The following LPCAT1 variants were observed in gnomAD, a reference collection of about 807,000 sequenced individuals.
LPCAT1 encodes 1-acylglycerol-3-phosphate O-acyltransferase.
In LPCAT1, 23 loss-of-function variants were observed where a neutral mutation model predicts 60.9. The observed-to-expected ratio is 0.38, with a 90% CI of 0.27 to 0.53. The LOEUF is 0.53. Among genes scored for constraint, LPCAT1 ranks in the 20% least tolerant of loss-of-function variants. LPCAT1 has a pLI of 0.82. For missense variants in LPCAT1, 622 were observed against 723.6 expected (o/e 0.86, Z 1.61); for synonymous variants, 340 against 301.1 (o/e 1.13, Z -1.34).
rs956990517 is a variant in LPCAT1 at position 1,476,380 on chromosome 5, G to T, written c.899+1024C>A. ...TTCTACCCTCGGACACATGCTTTGGGAGGGAGAGGATGGGAACGTGAGGGA... is the reference window on the plus strand; with the variant it reads ...TTCTACCCTCGGACACATGCTTTGGTAGGGAGAGGATGGGAACGTGAGGGA... On this transcript the variant is annotated intron_variant, in intron 9 of 13. Coordinates refer to ENST00000283415, the MANE Select transcript of LPCAT1 (RefSeq NM_024830.5). This position sits in a 1 kb window ranked among gnomAD's most constrained non-coding sequence, Gnocchi z 8.6. 2.0e-5 allele frequency among the ~76,000 whole-genome samples: 3 copies of T among 152,196 alleles called. No homozygotes were observed. Among genetic ancestry groups the T allele is most frequent in the African/African-American group, 7.2e-5 (3 of 41,448 alleles).
Position 1,496,962 on chromosome 5 carries a change from A to C in LPCAT1, c.279-2048T>G, listed in dbSNP as rs1253885912. Among the ~76,000 whole-genome samples the C allele has an allele frequency of 2.0e-5, 3 of 152,168 alleles. No individual in the cohort carries two copies. The highest frequency in any genetic ancestry group is 6.5e-5 in the Admixed American group (1 of 15,286). On this transcript the variant is annotated intron_variant, in intron 2 of 13. Coordinates refer to ENST00000283415, the MANE Select transcript of LPCAT1 (RefSeq NM_024830.5). This position sits in a 1 kb window ranked among gnomAD's most constrained non-coding sequence, Gnocchi z 4.7. ...TGCATACACAGGAGCGGGGATCTCCATCAGCACCCCCAGGAAATCCACTCC... is the reference window on the plus strand; with the variant it reads ...TGCATACACAGGAGCGGGGATCTCCCTCAGCACCCCCAGGAAATCCACTCC...
At chr5:1,498,248 C>T (rs933681210) in intron 2 of LPCAT1, among the ~76,000 whole-genome samples, 3 of 152,234 alleles carry the variant, frequency 2.0e-5, no homozygotes, top group East Asian at 1.9e-4. Flanking sequence ...TGATCCCTTA[C>T]GTCCCTAACT....
chr5:1,515,541 C>T (rs1332148888), intron 1 of LPCAT1, among the ~76,000 whole-genome samples: 2 of 144,954 alleles, frequency 1.4e-5, no homozygotes, highest in African/African-American at 5.2e-5. Context: ...GATACAGGGG[C>T]CCCCCAGAAC....
chr5:1,496,843 ACC>A lies in LPCAT1; in HGVS notation c.279-1931_279-1930del, dbSNP rs1212526251. Reference sequence around the variant, plus strand: ...GGGGTTGGGGACCCAGCACCCACTCACCCCAAGGCAAAGGGAGCCAGCACAAG... The same window carrying A: ...GGGGTTGGGGACCCAGCACCCACTCACCAAGGCAAAGGGAGCCAGCACAAG... On this transcript the variant is annotated intron_variant, in intron 2 of 13. Transcript: ENST00000283415. The surrounding 1 kb of genome is among the most constrained non-coding windows in gnomAD (Gnocchi z 4.7). Among the ~76,000 whole-genome samples, 1 of 152,122 alleles carries A rather than the reference ACC, an allele frequency of 6.6e-6. No individual in the cohort carries two copies. Among genetic ancestry groups the A allele is most frequent in the Non-Finnish European group, 1.5e-5 (1 of 68,020 alleles).
At position 1,483,566 on chromosome 5, in the gene LPCAT1, G is replaced by C. The variant is rs915262263; in HGVS notation, c.668-80C>G. 3 of 1,461,296 alleles carry C rather than the reference G, an allele frequency of 2.1e-6. No individual in the cohort carries two copies. Among genetic ancestry groups the C allele is most frequent in the Non-Finnish European group, 2.9e-6 (3 of 1,052,250 alleles). The allele number at this position is 1,461,296 out of a possible 1,614,324, so 90.5% of individuals were successfully genotyped here. A position where few individuals can be genotyped will look rare whatever the true frequency, so the allele number is the denominator to read the frequency against. On this transcript the variant is annotated intron_variant, in intron 5 of 13. Transcript: ENST00000283415. This position sits in a 1 kb window ranked among gnomAD's most constrained non-coding sequence, Gnocchi z 9.2. ...TGCTGCGTTTCTCATGCTGCCCTTG[G>C]GATAAAAGTGAGCTTTTCTGTCTAG...
intron 10 of LPCAT1, 138 bp from the exon 11 acceptor site, chr5:1,474,248 C>G (rs1734806957): frequency 9.8e-7 from 1 of 1,023,266 alleles, no homozygotes; most frequent in African/African-American, 1.6e-5. Context: ...AGGCATTCTC[C>G]TAATTGGAAG....
At chr5:1,498,651 CAG>C (rs55732392) in intron 2 of LPCAT1, among the ~76,000 whole-genome samples, 25,572 of 152,092 alleles carry the variant, frequency 0.17, 2,274 homozygotes, top group East Asian at 0.24. Context: ...TACATGTACA[CAG>C]AGACACAACA....
At chr5:1,488,267 G>A in intron 5 of LPCAT1, 124 bp downstream of exon 5, 1 of 553,240 alleles carries the variant, frequency 1.8e-6, no homozygotes, top group Non-Finnish European at 3.2e-6. Context: ...ATACCTCTAA[G>A]AACCCCAGCA....
intron 12 of LPCAT1, 157 bp from the exon 13 acceptor site, chr5:1,467,047 A>T (rs910637828): frequency 4.4e-6 from 3 of 689,434 alleles, no homozygotes; most frequent in South Asian, 1.1e-4. Flanking sequence ...TTCCATGTGG[A>T]GCCATGCAGC....
rs1736674364 is a variant in LPCAT1 at position 1,521,435 on chromosome 5, G to A, written c.135+2275C>T. ...TGGACCCATTTCTTTCTTTGGGGAAGAAGGCTTTCTTGGCTTGAAAGACAG... is the reference window on the plus strand; with the variant it reads ...TGGACCCATTTCTTTCTTTGGGGAAAAAGGCTTTCTTGGCTTGAAAGACAG... On this transcript the variant is annotated intron_variant, in intron 1 of 13. Transcript: ENST00000283415. This position sits in a 1 kb window ranked among gnomAD's most constrained non-coding sequence, Gnocchi z 4.3. 2.0e-6 allele frequency: 2 copies of A among 985,260 alleles called. No individual in the cohort carries two copies. Among genetic ancestry groups the A allele is most frequent in the South Asian group, 4.7e-5 (1 of 21,292 alleles). 61.0% of individuals were successfully genotyped at this position (985,260 alleles called of 1,614,324 possible).
rs550266068 is a variant in LPCAT1 at position 1,480,233 on chromosome 5, A to C, written c.762-558T>G. On this transcript the variant is annotated intron_variant, in intron 7 of 13. Coordinates refer to ENST00000283415, the MANE Select transcript of LPCAT1 (RefSeq NM_024830.5). The surrounding 1 kb of genome is among the most constrained non-coding windows in gnomAD (Gnocchi z 6.4). The stretch of plus-strand genomic sequence containing the variant: ...GGACCCCAGAACCCCTATACCCCCC[A>C]GAGCCCCCTCCCAGCTCTGCTCCCA... 82 of 252,446 alleles carry C rather than the reference A, an allele frequency of 3.2e-4. No individual in the cohort carries two copies. In the South Asian group the frequency reaches 3.3e-3, roughly 10 times the overall value. 15.6% of individuals were successfully genotyped at this position (252,446 alleles called of 1,614,324 possible). A position where few individuals can be genotyped will look rare whatever the true frequency, so the allele number is the denominator to read the frequency against.
chr5:1,488,535 T>C (rs1262951154), intron 4 of LPCAT1, 84 bp from the exon 5 acceptor site: 8 of 939,104 alleles, frequency 8.5e-6, no homozygotes, highest in Middle Eastern at 2.2e-4. Context: ...CTTCACAATA[T>C]ATTTTCTTTT....
rs1736046598 is a variant in LPCAT1 at position 1,502,304 on chromosome 5, G to C, written c.136-701C>G. ...CCAGCCCCGCAGGCCTCACTCAGCA[G>C]TTTCCCCTGAAATCGTTTATGTGGA... On this transcript the variant is annotated intron_variant, in intron 1 of 13. Coordinates refer to ENST00000283415, the MANE Select transcript of LPCAT1 (RefSeq NM_024830.5). This position sits in a 1 kb window ranked among gnomAD's most constrained non-coding sequence, Gnocchi z 5.5. 6.6e-6 allele frequency among the ~76,000 whole-genome samples: 1 copy of C among 152,158 alleles called. No homozygotes were observed. Among genetic ancestry groups the C allele is most frequent in the African/African-American group, 2.4e-5 (1 of 41,426 alleles).
At position 1,480,482 on chromosome 5, in the gene LPCAT1, T is replaced by C. The variant is rs1381509544; in HGVS notation, c.761+460A>G. On this transcript the variant is annotated intron_variant, in intron 7 of 13. Transcript: ENST00000283415. The surrounding 1 kb of genome is among the most constrained non-coding windows in gnomAD (Gnocchi z 6.4). ...CCTCTGGGGCTCGTTCCCGTTTCCG[T>C]GGGGTTGTTCATTGTTGCATAACTG... is the stretch of plus-strand genomic sequence containing the variant. 1.9e-6 allele frequency: 1 copy of C among 525,728 alleles called. No individual in the cohort carries two copies. The highest frequency in any genetic ancestry group is 2.4e-6 in the Non-Finnish European group (1 of 410,246). 32.6% of individuals were successfully genotyped at this position (525,728 alleles called of 1,614,324 possible). A position where few individuals can be genotyped will look rare whatever the true frequency, so the allele number is the denominator to read the frequency against.
rs1358058201 is a variant in LPCAT1 at position 1,496,154 on chromosome 5, A to T, written c.279-1240T>A. On this transcript the variant is annotated intron_variant, in intron 2 of 13. Transcript: ENST00000283415. The surrounding 1 kb of genome is among the most constrained non-coding windows in gnomAD (Gnocchi z 4.7). ...GGCAGGTGGATCACTTGAGGTCAGG[A>T]GCTCAAGACCAGCCTGGCCAACATG... 2.0e-5 allele frequency among the ~76,000 whole-genome samples: 3 copies of T among 152,196 alleles called. No individual in the cohort carries two copies. The highest frequency in any genetic ancestry group is 7.2e-5 in the African/African-American group (3 of 41,430).
Position 1,523,170 on chromosome 5 carries a change from G to A in LPCAT1, c.135+540C>T, listed in dbSNP as rs1414019622. Among the ~76,000 whole-genome samples, 1 of 151,722 alleles carries A rather than the reference G, an allele frequency of 6.6e-6. No homozygotes were observed. Among genetic ancestry groups the A allele is most frequent in the African/African-American group, 2.4e-5 (1 of 41,330 alleles). ...CCGCACCGCCCGCGCGCCCTGTCCC[G>A]GGCACCACCAGGCCCCGCACACGAG... On this transcript the variant is annotated intron_variant, in intron 1 of 13. Transcript: ENST00000283415. The surrounding 1 kb of genome is among the most constrained non-coding windows in gnomAD (Gnocchi z 7.1).
chr5:1,468,701 A>T (rs957931562), intron 12 of LPCAT1, among the ~76,000 whole-genome samples: 5 of 152,196 alleles, frequency 3.3e-5, no homozygotes, highest in Non-Finnish European at 7.3e-5. Flanking sequence ...AAGAACAAAA[A>T]CAAGGGGCCC....
At chr5:1,514,914 C>T (rs1736460648) in intron 1 of LPCAT1, among the ~76,000 whole-genome samples, 2 of 152,210 alleles carry the variant, frequency 1.3e-5, no homozygotes, top group African/African-American at 4.8e-5. Flanking sequence ...CGCCAATCTC[C>T]CCGGACCTCC....
At chr5:1,499,737 TCTC>T (rs1413400169) in intron 2 of LPCAT1, among the ~76,000 whole-genome samples, 2 of 152,048 alleles carry the variant, frequency 1.3e-5, no homozygotes, top group African/African-American at 2.4e-5. Flanking sequence ...CAGGCTGCCC[TCTC>T]CTATGACTGC....
Sources: gnomAD v4.1 joint callset for allele counts (sites outside exome capture counted in the v4.1 genomes callset) on GRCh38, gnomAD v4.1.1 for gene constraint, Gnocchi (gnomAD v3.1) non-coding constraint, MANE v1.5 for transcripts, NCBI Gene and HGNC (gene_info 2026-07-23, HGNC 2026-07-21) for gene names.